TPD52: variants seen among roughly 807,000 people sequenced by gnomAD.
TPD52 encodes tumor protein D52.
A neutral mutation model predicts 31.3 loss-of-function variants in TPD52; 17 were observed. The ratio of observed to expected loss-of-function variants is 0.54; its 90% CI spans 0.37 to 0.82. The LOEUF (loss-of-function observed/expected upper bound fraction) is 0.82. TPD52 is among the 40% of genes least tolerant of loss of function. The probability of loss-of-function intolerance (pLI) is 0.00; values close to 1 mark genes in which losing one functional copy is unlikely to be tolerated. For missense variants in TPD52, 212 were observed against 240.1 expected, an observed-to-expected ratio of 0.88 and a Z score of 0.77; for synonymous variants, 83 against 89.6, an observed-to-expected ratio of 0.93 and a Z score of 0.42.
At chr8:80,088,355 G>C (rs543013633) in intron 1 of TPD52, among the ~76,000 whole-genome samples, 1 of 152,294 alleles carries the variant, frequency 6.6e-6, no homozygotes, top group Admixed American at 6.5e-5. Context: ...TCAGATTAAA[G>C]CAACAATTCT....
chr8:80,157,472 T>A (rs1449611144), intron 1 of TPD52, among the ~76,000 whole-genome samples: 2 of 152,152 alleles, frequency 1.3e-5, no homozygotes, highest in African/African-American at 4.8e-5. Flanking sequence ...GCCGATAGGT[T>A]TCCCCCTCAA....
intron 1 of TPD52, among the ~76,000 whole-genome samples, chr8:80,071,148 C>T (rs1249567479): frequency 6.6e-6 from 1 of 152,174 alleles, no homozygotes; most frequent in Non-Finnish European, 1.5e-5. Flanking sequence ...GAGCAAGACC[C>T]TGCCAACGCC....
chr8:80,135,424 C>G (rs1225229692), intron 1 of TPD52, among the ~76,000 whole-genome samples: 1 of 152,154 alleles, frequency 6.6e-6, no homozygotes, highest in Non-Finnish European at 1.5e-5. Context: ...CTGCCCCAGC[C>G]TACCTGCCCC....
At chr8:80,079,363 T>A (rs1408945368) in intron 1 of TPD52, among the ~76,000 whole-genome samples, 1 of 152,076 alleles carries the variant, frequency 6.6e-6, no homozygotes, top group Non-Finnish European at 1.5e-5. Flanking sequence ...TTCCTGGAAA[T>A]CCCAGCCACT....
intron 1 of TPD52, among the ~76,000 whole-genome samples, chr8:80,152,176 C>T (rs1810614454): frequency 5.5e-5 from 2 of 36,358 alleles, no homozygotes; most frequent in African/African-American, 3.8e-4. Flanking sequence ...CCTTTCATGC[C>T]CCCCCGACCC....
At chr8:80,044,956 G>A (rs190152730) in intron 5 of TPD52, among the ~76,000 whole-genome samples, 3 of 152,292 alleles carry the variant, frequency 2.0e-5, no homozygotes, top group African/African-American at 7.2e-5. Flanking sequence ...TGGTACAAAT[G>A]ATAACGTGTC....
intron 2 of TPD52, among the ~76,000 whole-genome samples, 166 bp from the exon 3 acceptor site, chr8:80,053,596 G>A (rs183543068): frequency 6.6e-6 from 1 of 152,086 alleles, no homozygotes; most frequent in East Asian, 1.9e-4. Flanking sequence ...CTGGTTACTT[G>A]CTGATCTCTC....
intron 1 of TPD52, among the ~76,000 whole-genome samples, chr8:80,099,424 C>T (rs1806567065): frequency 6.6e-6 from 1 of 151,700 alleles, no homozygotes; most frequent in Non-Finnish European, 1.5e-5. Context: ...AGAGATGCTG[C>T]AAATGATGGG....
intron 1 of TPD52, among the ~76,000 whole-genome samples, chr8:80,114,373 C>T (rs1304669241): frequency 1.3e-5 from 2 of 152,150 alleles, no homozygotes; most frequent in African/African-American, 2.4e-5. Context: ...ACTTATTACA[C>T]ATAGTAATAT....
intron 1 of TPD52, among the ~76,000 whole-genome samples, chr8:80,155,310 C>T (rs1037734986): frequency 2.0e-5 from 3 of 152,116 alleles, no homozygotes; most frequent in Non-Finnish European, 4.4e-5. Flanking sequence ...CTCCCTATTC[C>T]AGTGATTTGA....
intron 1 of TPD52, among the ~76,000 whole-genome samples, chr8:80,138,790 G>A (rs919651649): frequency 7.9e-5 from 12 of 152,030 alleles, no homozygotes; most frequent in Admixed American, 5.9e-4. Context: ...GTGGCTCACC[G>A]CATCCTCCCC....
At chr8:80,057,415 C>T (rs191092661) in intron 2 of TPD52, among the ~76,000 whole-genome samples, 2 of 152,282 alleles carry the variant, frequency 1.3e-5, no homozygotes, top group Admixed American at 1.3e-4. Flanking sequence ...TTCACAATAG[C>T]AAAGACATGA....
chr8:80,081,990 T>A (rs2130837292), intron 1 of TPD52, among the ~76,000 whole-genome samples: 1 of 152,242 alleles, frequency 6.6e-6, no homozygotes, highest in South Asian at 2.1e-4. Context: ...GTATTTTTAG[T>A]AGAGATGGGG....
At chr8:80,148,317 AGT>A (rs34231994) in intron 1 of TPD52, among the ~76,000 whole-genome samples, 120 of 143,772 alleles carry the variant, frequency 8.3e-4, no homozygotes, top group South Asian at 2.1e-3. Context: ...TTCCTGGCTA[AGT>A]GTGTGTGTGT....
At chr8:80,135,965 C>T (rs1809360431) in intron 1 of TPD52, among the ~76,000 whole-genome samples, 1 of 114,154 alleles carries the variant, frequency 8.8e-6, no homozygotes, top group African/African-American at 3.3e-5. Flanking sequence ...GGGAATATCA[C>T]ACTCTGGGGA....
At chr8:80,032,138 G>C (rs1014284017), downstream of TPD52, among the ~76,000 whole-genome samples, 3 of 136,806 alleles carry the variant, frequency 2.2e-5, no homozygotes, top group African/African-American at 9.0e-5. Context: ...GGGTGACAGA[G>C]CGAGACTCCA....
At chr8:80,040,965 C>A (rs1032335133) in intron 7 of TPD52, among the ~76,000 whole-genome samples, 4 of 152,166 alleles carry the variant, frequency 2.6e-5, no homozygotes, top group African/African-American at 9.7e-5. Context: ...TTATGGCTCA[C>A]AAAGCACCCT....
In TPD52 at chr8:80,038,026, G is replaced by C. The variant is rs912952404; in HGVS notation, c.*90C>G. 10 of 1,538,118 alleles carry C rather than the reference G, an allele frequency of 6.5e-6. 1 individual carries two copies. The highest frequency in any genetic ancestry group is 2.8e-5 in the African/African-American group (2 of 72,508). On this transcript the variant is annotated 3_prime_UTR_variant, in exon 8 of 8. Coordinates refer to ENST00000518937, the MANE Select transcript of TPD52 (RefSeq NM_001025253.3). ...GTAAAGCTAAATAAAAGCACATCTGGTAGAAATTCATGGCAATGCATGTTG... is the reference window on the plus strand; with the variant it reads ...GTAAAGCTAAATAAAAGCACATCTGCTAGAAATTCATGGCAATGCATGTTG...
intron 1 of TPD52, among the ~76,000 whole-genome samples, chr8:80,126,246 G>A (rs1055540382): frequency 6.6e-6 from 1 of 152,104 alleles, no homozygotes; most frequent in Non-Finnish European, 1.5e-5. Flanking sequence ...GAGAAAGCAA[G>A]GGGGAAAATG....
Sources: gnomAD v4.1 joint callset for allele counts (sites outside exome capture counted in the v4.1 genomes callset) on GRCh38, gnomAD v4.1.1 for gene constraint, MANE v1.5 for transcripts, NCBI Gene and HGNC (gene_info 2026-07-23, HGNC 2026-07-21) for gene names.